The following SPAG16 variants were observed in gnomAD, a reference collection of about 807,000 sequenced individuals.
SPAG16 encodes sperm-associated antigen 16 protein.
A neutral mutation model predicts 80.4 loss-of-function variants in SPAG16; 86 were observed. The observed-to-expected ratio is 1.07, with a 90% CI of 0.90 to 1.28. The LOEUF (loss-of-function observed/expected upper bound fraction) is 1.28, where lower values mean the gene tolerates loss of function less well. SPAG16 is among the 50% of genes most tolerant of loss of function. The pLI is 0.00. For missense variants in SPAG16, 870 were observed against 765.3 expected (o/e 1.14, Z -1.61); for synonymous variants, 294 against 265.9 (o/e 1.11, Z -1.03).
intron 10 of SPAG16, among the ~76,000 whole-genome samples, chr2:213,782,962 A>G (rs541685460): frequency 4.0e-4 from 61 of 152,080 alleles, no homozygotes; most frequent in African/African-American, 1.4e-3. Flanking sequence ...TTAGTTACAT[A>G]TGTATACATG....
At chr2:213,705,744 G>A (rs1307876851) in intron 10 of SPAG16, among the ~76,000 whole-genome samples, 2 of 151,694 alleles carry the variant, frequency 1.3e-5, no homozygotes, top group African/African-American at 4.8e-5. Context: ...TAACATCTTG[G>A]AGCTCTCAAA....
intron 9 of SPAG16, among the ~76,000 whole-genome samples, chr2:213,467,459 C>T (rs80110362): frequency 0.024 from 3,599 of 152,146 alleles, 59 homozygotes; most frequent in African/African-American, 0.039. Context: ...TTAAAAGGCA[C>T]GAGTAAGCAA....
intron 15 of SPAG16, among the ~76,000 whole-genome samples, chr2:214,320,965 T>C (rs947473839): frequency 6.6e-6 from 1 of 152,188 alleles, no homozygotes; most frequent in African/African-American, 2.4e-5. Flanking sequence ...AAGTTAGAAG[T>C]ATTTGTTAAA....
chr2:213,682,552 A>G (rs2064448742), intron 10 of SPAG16, among the ~76,000 whole-genome samples: 1 of 152,200 alleles, frequency 6.6e-6, no homozygotes, highest in Non-Finnish European at 1.5e-5. Flanking sequence ...TTACAGACTA[A>G]GGGTATTTAA....
chr2:214,048,435 T>G (rs2125122289), intron 13 of SPAG16, among the ~76,000 whole-genome samples: 1 of 152,314 alleles, frequency 6.6e-6, no homozygotes, highest in East Asian at 1.9e-4. Context: ...GGTCATTATG[T>G]TAAGTGAAGT....
At chr2:213,474,186 G>GC (rs1412392409) in intron 9 of SPAG16, among the ~76,000 whole-genome samples, 1 of 152,156 alleles carries the variant, frequency 6.6e-6, no homozygotes, top group Admixed American at 6.5e-5. Context: ...ATTCCAAGTT[G>GC]CAGGGTCCCA....
intron 10 of SPAG16, among the ~76,000 whole-genome samples, chr2:213,578,837 A>T (rs952446833): frequency 4.0e-5 from 6 of 150,268 alleles, no homozygotes; most frequent in South Asian, 4.2e-4. Flanking sequence ...TTCCTTGTAA[A>T]TTTTTTTTTT....
At chr2:213,863,656 C>T (rs543240825) in intron 11 of SPAG16, among the ~76,000 whole-genome samples, 3 of 151,912 alleles carry the variant, frequency 2.0e-5, no homozygotes, top group Non-Finnish European at 2.9e-5. Context: ...CTCTTAGGAA[C>T]ATAAAACCCA....
intron 15 of SPAG16, among the ~76,000 whole-genome samples, chr2:214,234,708 T>C (rs573978536): frequency 1.2e-3 from 184 of 152,304 alleles, no homozygotes; most frequent in African/African-American, 4.0e-3. Flanking sequence ...CCTGTTTATG[T>C]CCTTTGCCCA....
At chr2:213,784,914 T>G (rs149420926) in intron 10 of SPAG16, among the ~76,000 whole-genome samples, 13 of 152,276 alleles carry the variant, frequency 8.5e-5, no homozygotes, top group African/African-American at 3.1e-4. Context: ...TTCAAAATTA[T>G]TTTCAATCAT....
intron 10 of SPAG16, among the ~76,000 whole-genome samples, chr2:213,760,146 A>G (rs1380641432): frequency 6.6e-6 from 1 of 152,232 alleles, no homozygotes; most frequent in Admixed American, 6.5e-5. Context: ...GACTGGCAAA[A>G]TAGATTTTTT....
intron 11 of SPAG16, among the ~76,000 whole-genome samples, chr2:213,899,252 A>G (rs997439673): frequency 3.3e-5 from 5 of 152,138 alleles, no homozygotes; most frequent in African/African-American, 1.2e-4. Flanking sequence ...TTTGTAGGAC[A>G]TGATAGCTTT....
chr2:214,044,851 T>G lies in SPAG16; in HGVS notation c.1527+30774T>G, dbSNP rs552283571. ...TTGGAGGAAGTGTTTAAACCAGCCC[T>G]AGCCAGAGAGGAATTGCCCATCCCA... On this transcript the variant is annotated intron_variant, in intron 13 of 15. Transcript: ENST00000331683. 3.9e-5 allele frequency among the ~76,000 whole-genome samples: 6 copies of G among 152,298 alleles called. No homozygotes were observed. In the East Asian group the frequency reaches 9.7e-4, roughly 25 times the overall value.
chr2:213,894,789 G>C (rs1260006222), intron 11 of SPAG16, among the ~76,000 whole-genome samples: 1 of 151,606 alleles, frequency 6.6e-6, no homozygotes, highest in African/African-American at 2.4e-5. Context: ...AGGAGATTGA[G>C]ACCATCCTGG....
At chr2:213,651,410 G>A (rs1219017959) in intron 10 of SPAG16, among the ~76,000 whole-genome samples, 1 of 152,130 alleles carries the variant, frequency 6.6e-6, no homozygotes, top group East Asian at 1.9e-4. Context: ...TTGGTGATAG[G>A]GGTTCCCTAC....
intron 9 of SPAG16, among the ~76,000 whole-genome samples, chr2:213,392,942 A>G (rs1430191445): frequency 6.6e-6 from 1 of 152,188 alleles, no homozygotes; most frequent in Non-Finnish European, 1.5e-5. Context: ...TTTATTTATA[A>G]TATCATGCCA....
At chr2:214,273,429 A>G (rs1245750569) in intron 15 of SPAG16, among the ~76,000 whole-genome samples, 2 of 152,168 alleles carry the variant, frequency 1.3e-5, no homozygotes, top group African/African-American at 4.8e-5. Context: ...TTTTAGGTCT[A>G]ACATTTAAGT....
intron 10 of SPAG16, among the ~76,000 whole-genome samples, chr2:213,656,856 T>C (rs1316924728): frequency 6.6e-6 from 1 of 152,198 alleles, no homozygotes; most frequent in Non-Finnish European, 1.5e-5. Flanking sequence ...CTTTGAATAG[T>C]TCATGGAGAA....
intron 12 of SPAG16, among the ~76,000 whole-genome samples, chr2:214,009,731 G>T (rs931334438): frequency 8.5e-5 from 13 of 152,112 alleles, no homozygotes; most frequent in African/African-American, 1.2e-4. Context: ...ACACGTCAGG[G>T]ATTGGGTCAA....
Sources: allele counts gnomAD v4.1 joint callset (sites outside exome capture counted in the v4.1 genomes callset), GRCh38; gene constraint gnomAD v4.1.1; transcripts MANE v1.5; gene names NCBI Gene and HGNC (gene_info 2026-07-23, HGNC 2026-07-21).